The following PDE9A variants were observed in gnomAD, a reference collection of about 807,000 sequenced individuals.
PDE9A encodes phosphodiesterase 9A.
A neutral mutation model predicts 87.4 loss-of-function variants in PDE9A; 60 were observed. The ratio of observed to expected loss-of-function variants is 0.69; its 90% confidence interval spans 0.56 to 0.85. The LOEUF is 0.85. Ranked by LOEUF, PDE9A falls within the 40% of genes least tolerant of loss-of-function variation. The pLI is 0.00. For missense variants in PDE9A, 665 were observed against 779.0 expected (o/e 0.85, Z 1.74); for synonymous variants, 272 against 279.4 (o/e 0.97, Z 0.27).
intron 4 of PDE9A, among the ~76,000 whole-genome samples, chr21:42,708,475 AC>A (rs1369885722): frequency 6.6e-6 from 1 of 152,020 alleles, no homozygotes; most frequent in Non-Finnish European, 1.5e-5. Flanking sequence ...GCCAACCCAT[AC>A]CCACCCACTG....
rs1265643202 is a variant in PDE9A at position 42,760,678 on chromosome 21, C to T, written c.1003-147C>T. ...ACCCCCCCAACCCCCACAGGCAGGC[C>T]GATCCTCTCCCACCATGCCAGGAGA... On this transcript the variant is annotated intron_variant, in intron 12 of 19. Transcript: ENST00000291539. The surrounding 1 kb of genome is among the most constrained non-coding windows in gnomAD (Gnocchi z 5.2). The T allele has an allele frequency of 6.0e-6, 4 of 664,724 alleles. No homozygotes were observed. The highest frequency in any genetic ancestry group is 3.6e-5 in the African/African-American group (2 of 56,198). 41.2% of individuals were successfully genotyped at this position (664,724 alleles called of 1,614,324 possible).
chr21:42,753,553 G>A (rs575446018), intron 9 of PDE9A, among the ~76,000 whole-genome samples: 10 of 152,208 alleles, frequency 6.6e-5, no homozygotes, highest in African/African-American at 2.2e-4. Flanking sequence ...TGAGTCTGAC[G>A]CAGGTGCCTT....
chr21:42,718,279 C>T (rs573814968), intron 4 of PDE9A, among the ~76,000 whole-genome samples: 3 of 151,880 alleles, frequency 2.0e-5, no homozygotes, highest in Non-Finnish European at 4.4e-5. Flanking sequence ...GCTTCAGTCT[C>T]ATTTTCTTCT....
At chr21:42,749,636 C>T (rs1164326803) in intron 8 of PDE9A, among the ~76,000 whole-genome samples, 1 of 152,254 alleles carries the variant, frequency 6.6e-6, no homozygotes, top group Non-Finnish European at 1.5e-5. Flanking sequence ...AACTCATCTG[C>T]TAACATTACA....
chr21:42,683,116 C>A (rs2059258761), intron 1 of PDE9A, among the ~76,000 whole-genome samples: 1 of 152,214 alleles, frequency 6.6e-6, no homozygotes, highest in Non-Finnish European at 1.5e-5. Context: ...ACGCATGATG[C>A]CAAAAAGTAA....
chr21:42,738,588 C>G (rs1316728000), intron 7 of PDE9A, among the ~76,000 whole-genome samples: 2 of 152,240 alleles, frequency 1.3e-5, no homozygotes, highest in African/African-American at 2.4e-5. Flanking sequence ...GGACGATTTC[C>G]CCAAAGCCAG....
intron 1 of PDE9A, among the ~76,000 whole-genome samples, chr21:42,670,136 T>A (rs2058323063): frequency 6.7e-6 from 1 of 150,328 alleles, no homozygotes; most frequent in Non-Finnish European, 1.5e-5. Context: ...GGCTCACACA[T>A]GCTTACACAC....
At chr21:42,688,211 G>A (rs1321021471) in intron 3 of PDE9A, among the ~76,000 whole-genome samples, 1 of 152,176 alleles carries the variant, frequency 6.6e-6, no homozygotes, top group African/African-American at 2.4e-5. Context: ...TGCAGCCGTG[G>A]CTCTGCACCT....
intron 7 of PDE9A, among the ~76,000 whole-genome samples, chr21:42,740,775 A>AGAT (rs1555934869): frequency 6.6e-6 from 1 of 151,480 alleles, no homozygotes; most frequent in Non-Finnish European, 1.5e-5. Context: ...ATAGATAGAT[A>AGAT]GATAGATAGA....
intron 1 of PDE9A, among the ~76,000 whole-genome samples, chr21:42,676,249 G>A (rs569256057): frequency 6.6e-6 from 1 of 152,320 alleles, no homozygotes; most frequent in African/African-American, 2.4e-5. Flanking sequence ...AGCAATGCAA[G>A]AACAGCCTCA....
intron 9 of PDE9A, 152 bp downstream of exon 9, chr21:42,751,349 G>A: frequency 1.5e-6 from 1 of 682,544 alleles, no homozygotes; most frequent in Non-Finnish European, 2.6e-6. Flanking sequence ...TTACTTTAAG[G>A]CAAAGTATTT....
Position 42,698,489 on chromosome 21 carries a change from G to A in PDE9A, c.219-479G>A, listed in dbSNP as rs531164405. 2.7e-3 allele frequency among the ~76,000 whole-genome samples: 416 copies of A among 152,212 alleles called. 1 individual carries two copies. Among genetic ancestry groups the A allele is most frequent in the African/African-American group, 8.2e-3 (340 of 41,504 alleles). On this transcript the variant is annotated intron_variant, in intron 3 of 19. Transcript: ENST00000291539. ...TTCTCTCCCCATCACGCTGGGCCTC[G>A]TGATGATGGGGGGAGGGGGGTTGAC...
chr21:42,673,844 C>A (rs574235225), intron 1 of PDE9A, among the ~76,000 whole-genome samples: 112 of 152,314 alleles, frequency 7.4e-4, no homozygotes, highest in African/African-American at 2.0e-3. Context: ...CGCTGCCCTG[C>A]GACTCGCTGG....
At chr21:42,691,277 G>C (rs529387036) in intron 3 of PDE9A, among the ~76,000 whole-genome samples, 1 of 147,920 alleles carries the variant, frequency 6.8e-6, no homozygotes, top group Non-Finnish European at 1.5e-5. Context: ...AAGTCACCCA[G>C]ACCCATCACC....
At chr21:42,726,622 A>ATTTTTTTT (rs1445924271) in intron 4 of PDE9A, among the ~76,000 whole-genome samples, 314 of 25,188 alleles carry the variant, frequency 0.012, 11 homozygotes, top group Middle Eastern at 0.031. Flanking sequence ...ATATATATAT[A>ATTTTTTTT]TATTTTTTTT....
intron 1 of PDE9A, among the ~76,000 whole-genome samples, chr21:42,684,273 C>G (rs2059323177): frequency 6.6e-6 from 1 of 152,242 alleles, no homozygotes; most frequent in African/African-American, 2.4e-5. Flanking sequence ...CACCCCTGCC[C>G]TCTGCAGACT....
intron 14 of PDE9A, among the ~76,000 whole-genome samples, chr21:42,763,197 G>A (rs62213436): frequency 6.6e-6 from 1 of 152,156 alleles, no homozygotes; most frequent in African/African-American, 2.4e-5. Flanking sequence ...GGAAGCTCTC[G>A]GAGTAAACCC....
chr21:42,728,528 A>T (rs1325390157), intron 4 of PDE9A, among the ~76,000 whole-genome samples: 1 of 152,244 alleles, frequency 6.6e-6, no homozygotes, highest in African/African-American at 2.4e-5. Flanking sequence ...CCAACCTTAT[A>T]TCCCCAGAAT....
At chr21:42,737,349 C>A (rs1309040845) in intron 7 of PDE9A, among the ~76,000 whole-genome samples, 1 of 152,260 alleles carries the variant, frequency 6.6e-6, no homozygotes, top group African/African-American at 2.4e-5. Context: ...CGTGTAAGCA[C>A]CCAGGCACGT....
Sources: allele counts gnomAD v4.1 joint callset (sites outside exome capture counted in the v4.1 genomes callset), GRCh38; gene constraint gnomAD v4.1.1; non-coding constraint Gnocchi (gnomAD v3.1); transcripts MANE v1.5; gene names NCBI Gene and HGNC (gene_info 2026-07-23, HGNC 2026-07-21).